Variants in EIF2S3B observed in about 807,000 individuals in gnomAD.
EIF2S3B encodes the protein eukaryotic translation initiation factor 2 subunit gamma B.
In EIF2S3B, 16 loss-of-function variants were observed where a neutral mutation model predicts 26.4. The observed-to-expected ratio is 0.61, with a 90% CI of 0.41 to 0.92. The LOEUF (loss-of-function observed/expected upper bound fraction) is 0.92, where lower values mean the gene tolerates loss of function less well. Among genes scored for constraint, EIF2S3B ranks in the 40% least tolerant of loss-of-function variants. EIF2S3B has a pLI of 0.00. For missense variants in EIF2S3B, 510 were observed against 575.5 expected (o/e 0.89, Z 1.16); for synonymous variants, 183 against 204.4 (o/e 0.90, Z 0.89).
At chr12:10,520,505 T>TATA (rs146640802) in intron 1 of EIF2S3B, among the ~76,000 whole-genome samples, 1 of 151,562 alleles carries the variant, frequency 6.6e-6, no homozygotes. Context: ...AAACTTAAAG[T>TATA]ATAATAATAA....
intron 1 of EIF2S3B, among the ~76,000 whole-genome samples, chr12:10,521,893 A>G (rs947468295): frequency 6.6e-6 from 1 of 152,228 alleles, no homozygotes; most frequent in Non-Finnish European, 1.5e-5. Flanking sequence ...ACTTGAATCT[A>G]GGAAGCAGTT....
chr12:10,516,842 G>C (rs1285539955), intron 1 of EIF2S3B, among the ~76,000 whole-genome samples: 1 of 151,564 alleles, frequency 6.6e-6, no homozygotes. Context: ...TTTTGTCAAA[G>C]GCCTTTTCTG....
At position 10,505,933 on chromosome 12, in the gene EIF2S3B, G is replaced by C. The variant is rs771707215; in HGVS notation, c.31G>C (p.Gly11Arg). ...GGGCGGAGAAGCTGGGGTGACTCTGGGGCAGCCGCACCTTTCGCGTCAGGA... is the reference window on the plus strand; with the variant it reads ...GGGCGGAGAAGCTGGGGTGACTCTGCGGCAGCCGCACCTTTCGCGTCAGGA... MAGGEAGVTL[G>R]QPHLSRQDLT... The change falls in exon 1 of 1, where the codon GGG becomes CGG. Residue 11 changes from glycine (G) to arginine (R), a missense_variant. By Grantham distance (125) the Gly-to-Arg change is moderately radical. Transcript: ENST00000538173. 6 of 1,601,110 alleles carry C rather than the reference G, an allele frequency of 3.7e-6. No individual in the cohort carries two copies. Among genetic ancestry groups the C allele is most frequent in the Non-Finnish European group, 5.1e-6 (6 of 1,168,158 alleles).
chr12:10,512,590 T>A (rs535479090), downstream of EIF2S3B, among the ~76,000 whole-genome samples: 5 of 152,256 alleles, frequency 3.3e-5, no homozygotes, highest in East Asian at 7.7e-4. Context: ...ATAAATTCCC[T>A]CATCTTCTTG....
rs760038421 is a variant in EIF2S3B, at chr12:10,506,208, T to C, written c.306T>C (p.Tyr102=). The C allele has an allele frequency of 1.3e-6, 2 of 1,590,760 alleles. No homozygotes were observed. Among genetic ancestry groups the C allele is most frequent in the East Asian group, 2.2e-5 (1 of 44,770 alleles). The part of the protein sequence containing the change: ...DDPSCPRPEC[Y]RSCGSSMPDE... Reference sequence around the variant, plus strand: ...CAAGTTGCCCTCGGCCAGAATGTTATCGATCTTGTGGGAGCAGTATGCCTG... The same window carrying C: ...CAAGTTGCCCTCGGCCAGAATGTTACCGATCTTGTGGGAGCAGTATGCCTG... The change falls in exon 1 of 1, where the codon TAT becomes TAC. Residue 102 remains tyrosine, a synonymous_variant. Coordinates refer to ENST00000538173, the MANE Select transcript of EIF2S3B (RefSeq NM_001357734.3).
chr12:10,514,083 T>A (rs1864731373), intron 1 of EIF2S3B, among the ~76,000 whole-genome samples: 1 of 151,968 alleles, frequency 6.6e-6, no homozygotes, highest in Non-Finnish European at 1.5e-5. Context: ...GCTTGGTAAA[T>A]TTTTTTTCTT....
chr12:10,507,465 C>CT lies in EIF2S3B; in HGVS notation c.*155dup, dbSNP rs372970824. 19,624 of 662,602 alleles carry CT rather than the reference C, an allele frequency of 0.03. 2 individuals carry two copies. The highest frequency in any genetic ancestry group is 0.042 in the South Asian group (1,612 of 38,164). 41.0% of individuals were successfully genotyped at this position (662,602 alleles called of 1,614,324 possible). Reference sequence around the variant, plus strand: ...GTAGGTAACGGTAAGGTTATTCTCTCTTTTTTTTTTTGGTTATGAAAACTT... The same window carrying CT: ...GTAGGTAACGGTAAGGTTATTCTCTCTTTTTTTTTTTTGGTTATGAAAACTT... On this transcript the variant is annotated 3_prime_UTR_variant, in exon 1 of 1. Transcript: ENST00000538173.
exon 2 of EIF2S3B, chr12:10,522,666 A>T (rs1864845599): frequency 2.9e-6 from 2 of 697,984 alleles, no homozygotes. Flanking sequence ...TACCAATGAG[A>T]CACAGAGGAA....
chr12:10,511,571 C>T (rs1864704515), downstream of EIF2S3B, among the ~76,000 whole-genome samples: 2 of 152,014 alleles, frequency 1.3e-5, no homozygotes, highest in South Asian at 4.2e-4. Flanking sequence ...TTAAATAAAA[C>T]CATTTATAAA....
downstream of EIF2S3B, among the ~76,000 whole-genome samples, chr12:10,511,791 A>G (rs1371769504): frequency 6.6e-6 from 1 of 152,204 alleles, no homozygotes; most frequent in African/African-American, 2.4e-5. Flanking sequence ...AGCTACTTCT[A>G]ATGTGCAAAA....
Position 10,505,934 on chromosome 12 carries a change from G to A in EIF2S3B, c.32G>A (p.Gly11Glu), listed in dbSNP as rs1864620014. 1 of 1,601,426 alleles carries A rather than the reference G, an allele frequency of 6.2e-7. No individual in the cohort carries two copies. MAGGEAGVTL[G>E]QPHLSRQDLT... ...GGCGGAGAAGCTGGGGTGACTCTGG[G>A]GCAGCCGCACCTTTCGCGTCAGGAT... The change falls in exon 1 of 1, where the codon GGG (glycine) becomes GAG (glutamate). Residue 11 changes from glycine (G) to glutamate (E), a missense_variant. By Grantham distance (98) the Gly-to-Glu change is moderately conservative (BLOSUM62 -2). Coordinates refer to ENST00000538173, the MANE Select transcript of EIF2S3B (RefSeq NM_001357734.3).
chr12:10,518,606 A>C (rs1415693205), intron 1 of EIF2S3B, among the ~76,000 whole-genome samples: 3 of 152,050 alleles, frequency 2.0e-5, no homozygotes, highest in Non-Finnish European at 4.4e-5. Context: ...TTACATTTAA[A>C]GTTAATATTT....
exon 2 of EIF2S3B, chr12:10,522,847 A>G (rs900018471): frequency 9.7e-6 from 5 of 517,486 alleles, no homozygotes; most frequent in African/African-American, 9.5e-5. Flanking sequence ...TTATTGCAAC[A>G]TGTTTACAGC....
intron 1 of EIF2S3B, among the ~76,000 whole-genome samples, chr12:10,519,763 T>C (rs1457382899): frequency 1.1e-4 from 16 of 151,670 alleles, no homozygotes; most frequent in Non-Finnish European, 2.4e-4. Context: ...GAAAAAATGC[T>C]CACCATCACT....
At chr12:10,522,375 ACTATGT>A (rs1443113382) in intron 1 of EIF2S3B, among the ~76,000 whole-genome samples, 7 of 152,136 alleles carry the variant, frequency 4.6e-5, no homozygotes, top group African/African-American at 1.7e-4. Flanking sequence ...CATAATACAT[ACTATGT>A]CTATAACTAT....
At chr12:10,516,058 T>C (rs1412262470) in intron 1 of EIF2S3B, among the ~76,000 whole-genome samples, 1 of 151,832 alleles carries the variant, frequency 6.6e-6, no homozygotes, top group Non-Finnish European at 1.5e-5. Context: ...CACTGGTAAG[T>C]AAAGTGTAGT....
exon 2 of EIF2S3B, chr12:10,523,031 A>G (rs1864849448): frequency 6.5e-6 from 1 of 154,994 alleles, no homozygotes; most frequent in Admixed American, 6.5e-5. Flanking sequence ...TCTTTCTCAA[A>G]ATATGTTAAA....
At chr12:10,512,653 T>A (rs1196644645), downstream of EIF2S3B, among the ~76,000 whole-genome samples, 3 of 152,082 alleles carry the variant, frequency 2.0e-5, no homozygotes, top group Admixed American at 6.6e-5. Context: ...AGAAAAAAAA[T>A]TTATCTTCCC....
chr12:10,511,265 T>G (rs1033160524), downstream of EIF2S3B, among the ~76,000 whole-genome samples: 9 of 152,152 alleles, frequency 5.9e-5, no homozygotes, highest in African/African-American at 1.7e-4. Flanking sequence ...AACTTTATAT[T>G]ATAAAGTTAA....
Sources: gnomAD v4.1 joint callset for allele counts (sites outside exome capture counted in the v4.1 genomes callset) on GRCh38, gnomAD v4.1.1 for gene constraint, MANE v1.5 for transcripts, NCBI Gene and HGNC (gene_info 2026-07-23, HGNC 2026-07-21) for gene names.